FAM83G: variants seen among roughly 807,000 people sequenced by gnomAD.
FAM83G encodes scaffolding CK1 anchoring protein G.
Under a neutral mutation model 61.5 loss-of-function variants are expected in FAM83G, and 38 were observed. That is an observed-to-expected ratio of 0.62 (90% confidence interval 0.48 to 0.81). FAM83G has a LOEUF of 0.81. Ranked by LOEUF, FAM83G falls within the 30% of genes least tolerant of loss-of-function variation. The pLI is 0.00. For missense variants in FAM83G, 989 were observed against 1,133.6 expected (o/e 0.87, Z 1.83); for synonymous variants, 470 against 476.1 (o/e 0.99, Z 0.17).
chr17:19,004,223 G>C lies in FAM83G; in HGVS notation c.-128-54C>G, dbSNP rs1597897345. 12 of 499,446 alleles carry C rather than the reference G, an allele frequency of 2.4e-5. No individual in the cohort carries two copies. In the East Asian group the frequency reaches 4.6e-4, roughly 19 times the overall value. The allele number at this position is 499,446 out of a possible 1,614,324, so 30.9% of individuals were successfully genotyped here. A position where few individuals can be genotyped will look rare whatever the true frequency, so the allele number is the denominator to read the frequency against. On this transcript the variant is annotated intron_variant, in intron 1 of 5. Transcript: ENST00000388995. This position sits in a 1 kb window ranked among gnomAD's most constrained non-coding sequence, Gnocchi z 5.4. ...CGGCGGGGAGGGCGGGCCGCGCGGG[G>C]AGGGGCGGCGGGGGCGGGGCCGGGA...
intron 2 of FAM83G, among the ~76,000 whole-genome samples, chr17:18,997,863 CAG>C (rs796955553): frequency 0.025 from 3,752 of 152,286 alleles, 157 homozygotes; most frequent in African/African-American, 0.085. Context: ...ATGCCAGACA[CAG>C]AGTGTTTTAC....
Position 18,968,981 on chromosome 17 carries a change from A to C in FAM83G, c.*2378T>G. 6.7e-7 allele frequency: 1 copy of C among 1,484,178 alleles called. No homozygotes were observed. The allele number at this position is 1,484,178 out of a possible 1,614,324, so 91.9% of individuals were successfully genotyped here. A position where few individuals can be genotyped will look rare whatever the true frequency, so the allele number is the denominator to read the frequency against. ...CGAGGCCCAGAGAGGGCCTTGCCCG[A>C]GGTCACCCAGGGAGTGGCTTGCTGG... On this transcript the variant is annotated 3_prime_UTR_variant, in exon 6 of 6. Coordinates refer to ENST00000388995, the MANE Select transcript of FAM83G (RefSeq NM_001039999.3). The surrounding 1 kb of genome is among the most constrained non-coding windows in gnomAD (Gnocchi z 4.1).
At chr17:18,972,385 G>A (rs2042877016) in intron 5 of FAM83G, among the ~76,000 whole-genome samples, 1 of 152,190 alleles carries the variant, frequency 6.6e-6, no homozygotes, top group Non-Finnish European at 1.5e-5. Context: ...TTCCCACGTG[G>A]CCTACCCTGG....
intron 2 of FAM83G, among the ~76,000 whole-genome samples, chr17:18,999,608 C>T (rs1001813683): frequency 3.9e-5 from 6 of 152,184 alleles, no homozygotes; most frequent in African/African-American, 1.2e-4. Flanking sequence ...GCACCTGGCG[C>T]GGGGCTGGCA....
chr17:18,973,384 A>C (rs2042903327), intron 5 of FAM83G, among the ~76,000 whole-genome samples: 1 of 152,242 alleles, frequency 6.6e-6, no homozygotes, highest in African/African-American at 2.4e-5. Context: ...AGGGAGGTGG[A>C]GGAGGAACAC....
In FAM83G at chr17:18,978,505, T is replaced by G. The variant is rs745566884; in HGVS notation, c.1161A>C (p.Glu387Asp). ...GGATGGGTGGCAGCAGCTCGGGGAG[T>G]TCCCCTGGATGCTCAGCCAGCGCTG... Reference protein sequence around the residue: ...KGPALAEHPGELPELLPPIHP... With the variant: ...KGPALAEHPGDLPELLPPIHP... Residue 387 changes from glutamate to aspartate, a missense_variant, in exon 5 of 6, where the codon GAA becomes GAC. Glu to Asp is a conservative substitution (Grantham distance 45). Coordinates refer to ENST00000388995, the MANE Select transcript of FAM83G (RefSeq NM_001039999.3). 6.2e-7 allele frequency: 1 copy of G among 1,612,924 alleles called. No individual in the cohort carries two copies. The highest frequency in any genetic ancestry group is 1.7e-5 in the Admixed American group (1 of 59,948).
At chr17:18,994,645 C>T (rs1156953897) in intron 2 of FAM83G, among the ~76,000 whole-genome samples, 1 of 152,152 alleles carries the variant, frequency 6.6e-6, no homozygotes, top group African/African-American at 2.4e-5. Context: ...GTGCCCCCAG[C>T]CAGAACAGAA....
Position 18,968,810 on chromosome 17 carries a change from C to G in FAM83G, c.*2549G>C. On this transcript the variant is annotated 3_prime_UTR_variant, in exon 6 of 6. Transcript: ENST00000388995. This position sits in a 1 kb window ranked among gnomAD's most constrained non-coding sequence, Gnocchi z 4.1. Reference sequence around the variant, plus strand: ...CTGCTTTTGGGAAAGGCATTGGCCACTTTGGACTTTATTAGCAACAGTAAT... The same window carrying G: ...CTGCTTTTGGGAAAGGCATTGGCCAGTTTGGACTTTATTAGCAACAGTAAT... 1 of 527,822 alleles carries G rather than the reference C, an allele frequency of 1.9e-6. No homozygotes were observed. The highest frequency in any genetic ancestry group is 3.4e-6 in the Non-Finnish European group (1 of 298,344). The allele number at this position is 527,822 out of a possible 1,614,324, so 32.7% of individuals were successfully genotyped here. A position where few individuals can be genotyped will look rare whatever the true frequency, so the allele number is the denominator to read the frequency against.
intron 5 of FAM83G, chr17:18,977,004 G>T (rs374026119): frequency 1.9e-6 from 3 of 1,610,312 alleles, no homozygotes; most frequent in Non-Finnish European, 2.5e-6. Context: ...GACGGGCTCC[G>T]GGCACTGAAC....
intron 5 of FAM83G, chr17:18,977,051 C>A: frequency 6.3e-7 from 1 of 1,592,402 alleles, no homozygotes; most frequent in Non-Finnish European, 8.5e-7. Context: ...GGGACCTTGT[C>A]CTGCAAACGT....
At chr17:19,002,867 A>G (rs892220867) in intron 2 of FAM83G, among the ~76,000 whole-genome samples, 3 of 152,110 alleles carry the variant, frequency 2.0e-5, no homozygotes, top group Non-Finnish European at 4.4e-5. Flanking sequence ...TCCGGTGGCA[A>G]AATTCAGGTG....
intron 5 of FAM83G, among the ~76,000 whole-genome samples, chr17:18,972,867 TAAA>T (rs35947526): frequency 1.7e-4 from 24 of 137,790 alleles, no homozygotes; most frequent in Admixed American, 2.1e-4. Flanking sequence ...AGACTCCGTC[TAAA>T]AAAAAAAAAA....
Position 19,004,462 on chromosome 17 carries a change from G to C in FAM83G, c.-129+247C>G, listed in dbSNP as rs2043825294. On this transcript the variant is annotated intron_variant, in intron 1 of 5. Transcript: ENST00000388995. This position sits in a 1 kb window ranked among gnomAD's most constrained non-coding sequence, Gnocchi z 5.4. ...TCCTCGCAACTTCTGAGGGAAACTA[G>C]GGCAGCCGGGGAACTTCCCAGTAGC... 6.6e-6 allele frequency among the ~76,000 whole-genome samples: 1 copy of C among 152,170 alleles called. No homozygotes were observed. Among genetic ancestry groups the C allele is most frequent in the Non-Finnish European group, 1.5e-5 (1 of 68,008 alleles).
At chr17:18,994,437 G>A (rs1341458350) in intron 2 of FAM83G, among the ~76,000 whole-genome samples, 1 of 152,162 alleles carries the variant, frequency 6.6e-6, no homozygotes, top group Non-Finnish European at 1.5e-5. Flanking sequence ...GCAGGGGAGA[G>A]AGCTGCACAG....
At position 19,003,099 on chromosome 17, in the gene FAM83G, T is replaced by C. The variant is rs1364969769; in HGVS notation, c.522+421A>G. 6.6e-6 allele frequency among the ~76,000 whole-genome samples: 1 copy of C among 151,892 alleles called. No homozygotes were observed. The highest frequency in any genetic ancestry group is 6.6e-5 in the Admixed American group (1 of 15,242). On this transcript the variant is annotated intron_variant, in intron 2 of 5. Coordinates refer to ENST00000388995, the MANE Select transcript of FAM83G (RefSeq NM_001039999.3). The surrounding 1 kb of genome is among the most constrained non-coding windows in gnomAD (Gnocchi z 4.5). ...ATGGACTTGGACCATGCCTATTCCC[T>C]CACCCCACAACAAAAGCTCTCCCCA...
At chr17:18,976,957 T>C (rs1453680199) in intron 5 of FAM83G, 2 of 1,613,166 alleles carry the variant, frequency 1.2e-6, no homozygotes, top group South Asian at 1.1e-5. Context: ...CTGATCATCA[T>C]GCCGGGCATG....
intron 3 of FAM83G, among the ~76,000 whole-genome samples, chr17:18,981,168 A>G (rs1300180658): frequency 2.0e-5 from 3 of 152,216 alleles, no homozygotes; most frequent in African/African-American, 7.2e-5. Context: ...CTGAATGCCC[A>G]GGATCGCAGA....
At chr17:18,979,405 C>T (rs1182343473) in intron 4 of FAM83G, 144 bp downstream of exon 4, 2 of 951,310 alleles carry the variant, frequency 2.1e-6, no homozygotes, top group East Asian at 2.7e-5. Context: ...GACAGACAGG[C>T]GGGCAGATGT....
Position 18,969,477 on chromosome 17 carries a change from A to G in FAM83G, c.*1882T>C. ...GCTGTCCCCACAGCGAGCCCTTTGGAGTCTGGCACTGCCCGGCACTGTGCA... is the reference window on the plus strand; with the variant it reads ...GCTGTCCCCACAGCGAGCCCTTTGGGGTCTGGCACTGCCCGGCACTGTGCA... On this transcript the variant is annotated 3_prime_UTR_variant, in exon 6 of 6. Coordinates refer to ENST00000388995, the MANE Select transcript of FAM83G (RefSeq NM_001039999.3). The G allele has an allele frequency of 6.6e-7, 1 of 1,513,418 alleles. No homozygotes were observed. 93.7% of individuals were successfully genotyped at this position (1,513,418 alleles called of 1,614,324 possible).
Sources: allele counts gnomAD v4.1 joint callset (sites outside exome capture counted in the v4.1 genomes callset), GRCh38; gene constraint gnomAD v4.1.1; non-coding constraint Gnocchi (gnomAD v3.1); transcripts MANE v1.5; gene names NCBI Gene and HGNC (gene_info 2026-07-23, HGNC 2026-07-21).